GMDS: variants seen among roughly 807,000 people sequenced by gnomAD.
GMDS encodes GDP-mannose 4,6-dehydratase.
GMDS carries 20 observed loss-of-function variants against 49.9 expected under a neutral mutation model. The ratio of observed to expected loss-of-function variants is 0.40; its 90% CI spans 0.28 to 0.58. The LOEUF is 0.58. Ranked by LOEUF, GMDS falls within the 20% of genes least tolerant of loss-of-function variation. The pLI, the probability that GMDS is intolerant of heterozygous loss-of-function variation, is 0.42. For synonymous variants in GMDS, 177 were observed against 178.6 expected, an observed-to-expected ratio of 0.99 and a Z score of 0.07; for missense variants, 362 against 481.4, an observed-to-expected ratio of 0.75 and a Z score of 2.32.
chr6:1,727,799 T>G (rs1218805951), intron 8 of GMDS, among the ~76,000 whole-genome samples: 2 of 152,232 alleles, frequency 1.3e-5, no homozygotes, highest in African/African-American at 4.8e-5. Context: ...GTTAGTGTGC[T>G]GAATTTACCA....
chr6:1,777,505 A>G (rs1356317334), intron 7 of GMDS, among the ~76,000 whole-genome samples: 2 of 152,252 alleles, frequency 1.3e-5, no homozygotes, highest in African/African-American at 4.8e-5. Flanking sequence ...ATACACACAC[A>G]CACCAGCTCC....
chr6:2,189,887 T>C (rs1414161984), intron 1 of GMDS, among the ~76,000 whole-genome samples: 1 of 150,168 alleles, frequency 6.7e-6, no homozygotes, highest in African/African-American at 2.5e-5. Flanking sequence ...AACTCATGAC[T>C]CCAGGACTAC....
chr6:1,834,875 C>T (rs1756851994), intron 7 of GMDS, among the ~76,000 whole-genome samples: 1 of 152,138 alleles, frequency 6.6e-6, no homozygotes, highest in South Asian at 2.1e-4. Flanking sequence ...TTTATTACCC[C>T]CATCCACCTT....
At chr6:1,940,175 G>GTGCATGCA (rs35317970) in intron 6 of GMDS, among the ~76,000 whole-genome samples, 7 of 151,714 alleles carry the variant, frequency 4.6e-5, no homozygotes, top group East Asian at 1.9e-4. Flanking sequence ...GATTGTATAT[G>GTGCATGCA]TGCATGCATG....
At chr6:2,015,868 T>G (rs1767858881) in intron 4 of GMDS, among the ~76,000 whole-genome samples, 1 of 152,112 alleles carries the variant, frequency 6.6e-6, no homozygotes, top group Non-Finnish European at 1.5e-5. Context: ...ACTTTTTCTT[T>G]CCCATTTTAA....
chr6:1,817,781 C>G (rs967681858), intron 7 of GMDS, among the ~76,000 whole-genome samples: 3 of 152,150 alleles, frequency 2.0e-5, no homozygotes, highest in Non-Finnish European at 4.4e-5. Context: ...CTGACTCTCT[C>G]AATACTTCAA....
intron 4 of GMDS, among the ~76,000 whole-genome samples, chr6:2,114,911 T>C (rs1255766669): frequency 9.2e-5 from 14 of 152,050 alleles, no homozygotes; most frequent in Admixed American, 9.2e-4. Flanking sequence ...AGAAAAACTT[T>C]CTGAAATAAG....
chr6:2,012,432 A>T (rs1322473131), intron 4 of GMDS, among the ~76,000 whole-genome samples: 3 of 152,142 alleles, frequency 2.0e-5, no homozygotes, highest in Non-Finnish European at 4.4e-5. Flanking sequence ...ATTGGTTAAA[A>T]GGACGGACAG....
At chr6:2,206,911 G>A (rs1405718016) in intron 1 of GMDS, among the ~76,000 whole-genome samples, 1 of 152,218 alleles carries the variant, frequency 6.6e-6, no homozygotes, top group Non-Finnish European at 1.5e-5. Context: ...GTCCATCAGA[G>A]CCATGAAGGG....
intron 9 of GMDS, among the ~76,000 whole-genome samples, chr6:1,641,033 CT>C (rs894206526): frequency 2.0e-5 from 3 of 152,224 alleles, no homozygotes; most frequent in South Asian, 2.1e-4. Context: ...AGAATTATTT[CT>C]GGCTTCCTCA....
rs1768358167 is a variant in GMDS at position 1,766,480 on chromosome 6, T to A, written c.772-23894A>T. On this transcript the variant is annotated intron_variant, in intron 7 of 10. Coordinates refer to ENST00000380815, the MANE Select transcript of GMDS (RefSeq NM_001500.4). This position sits in a 1 kb window ranked among gnomAD's most constrained non-coding sequence, Gnocchi z 4.5. ...ATGGGAACCAATGAAGAAATGAGTA[T>A]CATATTTATATATCTGCTATAACTC... 6.6e-6 allele frequency among the ~76,000 whole-genome samples: 1 copy of A among 152,096 alleles called. No individual in the cohort carries two copies. Among genetic ancestry groups the A allele is most frequent in the Admixed American group, 6.5e-5 (1 of 15,274 alleles).
intron 9 of GMDS, among the ~76,000 whole-genome samples, chr6:1,718,742 A>G (rs9392325): frequency 0.84 from 126,469 of 150,410 alleles, 53,639 homozygotes; most frequent in East Asian, 1. Context: ...TGAATGTTAA[A>G]AACTCAACCA....
intron 1 of GMDS, among the ~76,000 whole-genome samples, chr6:2,203,303 T>C (rs186284376): frequency 1.3e-5 from 2 of 152,168 alleles, no homozygotes; most frequent in East Asian, 3.9e-4. Context: ...GGAAAAAAAA[T>C]ATGTAAGAAA....
At chr6:2,006,879 C>T (rs7761643) in intron 4 of GMDS, among the ~76,000 whole-genome samples, 70,214 of 152,070 alleles carry the variant, frequency 0.46, 16,484 homozygotes, top group African/African-American at 0.53. Flanking sequence ...GCAGGACACA[C>T]GGCAAATAAT....
At chr6:1,841,932 T>C (rs1281669230) in intron 7 of GMDS, among the ~76,000 whole-genome samples, 2 of 152,202 alleles carry the variant, frequency 1.3e-5, no homozygotes, top group African/African-American at 2.4e-5. Flanking sequence ...TTTCCCACCA[T>C]TGTCTTAACC....
intron 9 of GMDS, among the ~76,000 whole-genome samples, chr6:1,724,766 A>AGCGTG (rs1766511924): frequency 6.6e-6 from 1 of 152,216 alleles, no homozygotes; most frequent in Non-Finnish European, 1.5e-5. Context: ...ATGTCAGCAC[A>AGCGTG]GCGTGGCTGG....
At chr6:1,733,468 C>G (rs2064316) in intron 8 of GMDS, among the ~76,000 whole-genome samples, 149,178 of 152,254 alleles carry the variant, frequency 0.98, 73,097 homozygotes, top group East Asian at 1. Context: ...CAGGCAGTGA[C>G]TGGAGGGACC....
chr6:1,904,964 CAAA>C (rs1282176275), intron 7 of GMDS, among the ~76,000 whole-genome samples: 1 of 152,128 alleles, frequency 6.6e-6, no homozygotes, highest in Non-Finnish European at 1.5e-5. Context: ...TGTTGCAAAA[CAAA>C]GAAGAGGGGA....
intron 9 of GMDS, chr6:1,679,676 A>T (rs956839539): frequency 6.6e-6 from 1 of 152,272 alleles, no homozygotes; most frequent in Non-Finnish European, 1.5e-5. Context: ...TGATTACTGC[A>T]AGTTGTTACA....
Sources: allele counts gnomAD v4.1 joint callset (sites outside exome capture counted in the v4.1 genomes callset), GRCh38; gene constraint gnomAD v4.1.1; non-coding constraint Gnocchi (gnomAD v3.1); transcripts MANE v1.5; gene names NCBI Gene and HGNC (gene_info 2026-07-23, HGNC 2026-07-21).